SLC12A5: variants seen among roughly 807,000 people sequenced by gnomAD.
SLC12A5 encodes the protein solute carrier family 12 member 5, also known as K-Cl cotransporter 2.
SLC12A5 carries 18 observed loss-of-function variants against 124.0 expected under a neutral mutation model. That is an observed-to-expected ratio of 0.15 (90% CI 0.10 to 0.22). SLC12A5 has a LOEUF of 0.22. Among genes scored for constraint, SLC12A5 ranks in the 10% least tolerant of loss-of-function variants. SLC12A5 has a pLI of 1.00. For missense variants in SLC12A5, 867 were observed against 1,478.7 expected, an observed-to-expected ratio of 0.59 and a Z score of 6.78; for synonymous variants, 589 against 568.0, an observed-to-expected ratio of 1.04 and a Z score of -0.53.
intron 1 of SLC12A5, among the ~76,000 whole-genome samples, chr20:46,029,967 C>T (rs999255640): frequency 4.6e-5 from 7 of 151,516 alleles, no homozygotes; most frequent in Non-Finnish European, 8.8e-5. Flanking sequence ...ATATGACAGC[C>T]CCCCGTCCGG....
At position 46,045,387 on chromosome 20, in the gene SLC12A5, A is replaced by G. The variant is rs2084586064; in HGVS notation, c.1569+247A>G. 6.6e-6 allele frequency among the ~76,000 whole-genome samples: 1 copy of G among 152,150 alleles called. No individual in the cohort carries two copies. The highest frequency in any genetic ancestry group is 6.5e-5 in the Admixed American group (1 of 15,280). On this transcript the variant is annotated intron_variant, in intron 12 of 25. Transcript: ENST00000243964. This position sits in a 1 kb window ranked among gnomAD's most constrained non-coding sequence, Gnocchi z 4.9. ...GTGGCTTCTCCTTCACCCAGATGGA[A>G]GGATAAGTGTGTCTTACTTGGGATT...
intron 3 of SLC12A5, 26 bp from the exon 4 acceptor site, chr20:46,035,751 G>A: frequency 1.2e-6 from 2 of 1,601,826 alleles, no homozygotes; most frequent in Non-Finnish European, 1.7e-6. Context: ...GAGGACTGCA[G>A]AGACTGATGC....
chr20:46,031,049 C>T (rs943383873), intron 1 of SLC12A5, among the ~76,000 whole-genome samples: 2 of 152,204 alleles, frequency 1.3e-5, no homozygotes, highest in Non-Finnish European at 2.9e-5. Flanking sequence ...CCTTCAGATG[C>T]CTCCACTCTG....
Position 46,047,500 on chromosome 20 carries a change from A to C in SLC12A5, c.1834A>C (p.Ile612Leu), listed in dbSNP as rs1600600642. ...GMSLCLALMFICSWYYALVAM... is the reference protein window; with the variant it reads ...GMSLCLALMFLCSWYYALVAM... ...GAGCCTCTGCCTGGCCCTCATGTTCATCTGCTCCTGGTATTATGCACTGGT... is the reference window on the plus strand; with the variant it reads ...GAGCCTCTGCCTGGCCCTCATGTTCCTCTGCTCCTGGTATTATGCACTGGT... Residue 612 changes from isoleucine (I) to leucine (L), a missense_variant, in exon 15 of 26, where the codon ATC becomes CTC. Physicochemically the swap from Ile to Leu is conservative, Grantham distance 5 (BLOSUM62 2). Transcript: ENST00000243964. The C allele has an allele frequency of 6.2e-7, 1 of 1,613,868 alleles. No individual in the cohort carries two copies. The highest frequency in any genetic ancestry group is 8.5e-7 in the Non-Finnish European group (1 of 1,179,958).
intron 1 of SLC12A5, among the ~76,000 whole-genome samples, chr20:46,034,207 T>G (rs1281754218): frequency 6.6e-6 from 1 of 152,162 alleles, no homozygotes; most frequent in Non-Finnish European, 1.5e-5. Flanking sequence ...ACACCCTCCC[T>G]TCCTCCCTCC....
At chr20:46,023,686 C>T (rs1037373283), downstream of SLC12A5, 1 of 374,524 alleles carries the variant, frequency 2.7e-6, no homozygotes, top group Non-Finnish European at 4.7e-6. Context: ...AGTTATAGCT[C>T]ATTTAACCTT....
In SLC12A5 at chr20:46,022,998, G is replaced by A. The variant is rs532952459; in HGVS notation, c.118G>A (p.Gly40Arg). The change falls in exon 2 of 3, where the codon GGA becomes AGA. Residue 40 changes from glycine to arginine, a missense_variant. Gly to Arg is a moderately radical substitution (Grantham distance 125). Coordinates refer to the SLC12A5 transcript ENST00000413737. ...AGGAAGAGGAGGAGGAGGAAGAGGA[G>A]GAGGAAGAGGAGGAGGAGGAGAAGG... 1.8e-4 allele frequency: 73 copies of A among 403,614 alleles called. 1 individual carries two copies. Among genetic ancestry groups the A allele is most frequent in the African/African-American group, 1.3e-3 (61 of 48,392 alleles). The allele number at this position is 403,614 out of a possible 1,614,324, so 25.0% of individuals were successfully genotyped here. A position where few individuals can be genotyped will look rare whatever the true frequency, so the allele number is the denominator to read the frequency against.
intron 18 of SLC12A5, among the ~76,000 whole-genome samples, chr20:46,052,486 G>A (rs750725223): frequency 2.0e-5 from 3 of 152,224 alleles, no homozygotes; most frequent in African/African-American, 2.4e-5. Flanking sequence ...GATCGCTTGC[G>A]CTCAGGAGTT....
rs188156328 is a variant in SLC12A5 at position 46,048,309 on chromosome 20, T to C, written c.2012+224T>C. ...ATGTAAATGTCCACATACCCCACCATGCTAGCCTCCTGAGCAGTCATCCAT... is the reference window on the plus strand; with the variant it reads ...ATGTAAATGTCCACATACCCCACCACGCTAGCCTCCTGAGCAGTCATCCAT... On this transcript the variant is annotated intron_variant, in intron 16 of 25. Transcript: ENST00000243964. 2.0e-3 allele frequency among the ~76,000 whole-genome samples: 309 copies of C among 152,320 alleles called. 3 individuals are homozygous for C. The highest frequency in any genetic ancestry group is 6.9e-3 in the African/African-American group (286 of 41,580).
chr20:46,059,648 A>G lies in SLC12A5; in HGVS notation c.*2043A>G, dbSNP rs1030441267. 2 of 399,098 alleles carry G rather than the reference A, an allele frequency of 5.0e-6. No homozygotes were observed. The highest frequency in any genetic ancestry group is 4.4e-5 in the Admixed American group (1 of 22,732). 24.7% of individuals were successfully genotyped at this position (399,098 alleles called of 1,614,324 possible). The stretch of plus-strand genomic sequence containing the variant: ...TTTCCGTTGATGAAACAGACATCCC[A>G]CAACAAAAACCCAAGTTTTCTGTGC... On this transcript the variant is annotated 3_prime_UTR_variant, in exon 26 of 26. Transcript: ENST00000243964.
chr20:46,054,765 A>G lies in SLC12A5; in HGVS notation c.2680-151A>G, dbSNP rs1039059491. ...ACGTCCTTGCCTCCTACAACCCTTG[A>G]CAAAATTAATGATTGGGTAGGGAAG... On this transcript the variant is annotated intron_variant, in intron 20 of 25. Coordinates refer to ENST00000243964, the MANE Select transcript of SLC12A5 (RefSeq NM_020708.5). The G allele has an allele frequency of 3.3e-5, 20 of 612,080 alleles. No homozygotes were observed. In the African/African-American group the frequency reaches 3.7e-4, roughly 11 times the overall value. 37.9% of individuals were successfully genotyped at this position (612,080 alleles called of 1,614,324 possible).
intron 21 of SLC12A5, chr20:46,055,821 T>C: frequency 3.2e-6 from 1 of 310,984 alleles, no homozygotes; most frequent in Non-Finnish European, 6.1e-6. Context: ...GGGAGTGTTA[T>C]CCAAGGGAGG....
chr20:46,021,882 C>A, exon 1 of SLC12A5: 2 of 1,526,778 alleles, frequency 1.3e-6, no homozygotes, highest in Non-Finnish European at 1.7e-6. Context: ...GGGAAGACGT[C>A]AAAGGTAGAG....
chr20:46,047,336 G>A (rs2084604992), intron 14 of SLC12A5, 118 bp from the exon 15 acceptor site: 6 of 1,372,934 alleles, frequency 4.4e-6, no homozygotes, highest in East Asian at 2.3e-5. Context: ...CCCTAGACCG[G>A]GCTGTCACCT....
chr20:46,043,509 A>C (rs2145491811), intron 9 of SLC12A5, 124 bp from the exon 10 acceptor site: 9 of 1,203,812 alleles, frequency 7.5e-6, no homozygotes, highest in Admixed American at 1.9e-5. Flanking sequence ...CCAAGGTCTC[A>C]CACAAGCCAG....
rs1051438788 is a variant in SLC12A5 at position 46,059,978 on chromosome 20, G to A, written c.*2373G>A. 9.2e-6 allele frequency: 2 copies of A among 216,546 alleles called. No individual in the cohort carries two copies. Among genetic ancestry groups the A allele is most frequent in the Non-Finnish European group, 1.8e-5 (2 of 110,334 alleles). 13.4% of individuals were successfully genotyped at this position (216,546 alleles called of 1,614,324 possible). Reference sequence around the variant, plus strand: ...TTTCAGTGTAAGTGTTCAGTATGCCGCATCCTGCCTCAGTATTGATCTTGT... The same window carrying A: ...TTTCAGTGTAAGTGTTCAGTATGCCACATCCTGCCTCAGTATTGATCTTGT... On this transcript the variant is annotated 3_prime_UTR_variant, in exon 26 of 26. Coordinates refer to ENST00000243964, the MANE Select transcript of SLC12A5 (RefSeq NM_020708.5).
chr20:46,029,047 G>A (rs2084421288), upstream of SLC12A5: 2 of 1,064,580 alleles, frequency 1.9e-6, no homozygotes, highest in Non-Finnish European at 1.2e-6. Flanking sequence ...GGCTCTGCCC[G>A]CCCCTCATCT....
chr20:46,042,868 C>T (rs772107192), intron 8 of SLC12A5, among the ~76,000 whole-genome samples: 12 of 151,938 alleles, frequency 7.9e-5, no homozygotes, highest in Non-Finnish European at 1.3e-4. Flanking sequence ...CAATTTGGGA[C>T]ACATCGACTC....
chr20:46,043,478 A>G (rs1390015415), intron 9 of SLC12A5, among the ~76,000 whole-genome samples, 155 bp downstream of exon 9: 1 of 152,202 alleles, frequency 6.6e-6, no homozygotes, highest in Non-Finnish European at 1.5e-5. Context: ...AATTAAGGCC[A>G]GGAGAAGCTA....
Sources: gnomAD v4.1 joint callset for allele counts (sites outside exome capture counted in the v4.1 genomes callset) on GRCh38, gnomAD v4.1.1 for gene constraint, Gnocchi (gnomAD v3.1) non-coding constraint, MANE v1.5 for transcripts, NCBI Gene and HGNC (gene_info 2026-07-23, HGNC 2026-07-21) for gene names.